P4HA1: variants seen among roughly 807,000 people sequenced by gnomAD.
P4HA1 encodes prolyl 4-hydroxylase subunit alpha-1.
P4HA1 carries 24 observed loss-of-function variants against 72.8 expected under a neutral mutation model. The ratio of observed to expected loss-of-function variants is 0.33; its 90% CI spans 0.24 to 0.46. P4HA1 has a LOEUF of 0.46. Among genes scored for constraint, P4HA1 ranks in the 20% least tolerant of loss-of-function variants. The probability of loss-of-function intolerance (pLI) is 1.00; values close to 1 mark genes in which losing one functional copy is unlikely to be tolerated. For synonymous variants in P4HA1, 201 were observed against 218.8 expected (o/e 0.92, Z 0.72); for missense variants, 446 against 640.6 (o/e 0.70, Z 3.28).
chr10:73,083,584 A>G (rs1841867100), intron 1 of P4HA1, among the ~76,000 whole-genome samples: 1 of 152,142 alleles, frequency 6.6e-6, no homozygotes, highest in African/African-American at 2.4e-5. Context: ...ACACACACTT[A>G]TGTTTTGCTT....
intron 9 of P4HA1, among the ~76,000 whole-genome samples, chr10:73,038,622 CTTTT>C (rs745518781): frequency 4.6e-5 from 5 of 108,840 alleles, no homozygotes; most frequent in Non-Finnish European, 7.3e-5. Context: ...TTTTTATTTG[CTTTT>C]TTTTTTTTTT....
At chr10:73,009,930 C>A in intron 13 of P4HA1, 27 bp from the exon 14 acceptor site, 1 of 1,265,200 alleles carries the variant, frequency 7.9e-7, no homozygotes. Context: ...ACAATTATCC[C>A]CAAGTATACA....
At chr10:73,037,563 A>T (rs1437921307) in intron 9 of P4HA1, among the ~76,000 whole-genome samples, 738 of 32,536 alleles carry the variant, frequency 0.023, 38 homozygotes, top group African/African-American at 0.087. Context: ...ATATATATAT[A>T]TATATATATT....
rs553512800 is a variant in P4HA1 at position 73,076,360 on chromosome 10, G to GTT, written c.-32-1447_-32-1446dup. On this transcript the variant is annotated intron_variant, in intron 1 of 14. Transcript: ENST00000394890. ...AATACAGGTCTGTACCACTGTGCCT[G>GTT]TTTTTTTTTTTTTTTTAAGTTGTAG... Among the ~76,000 whole-genome samples, 827 of 135,976 alleles carry GTT rather than the reference G, an allele frequency of 6.1e-3. 10 individuals are homozygous for GTT. Among genetic ancestry groups the GTT allele is most frequent in the African/African-American group, 0.018 (689 of 37,744 alleles). The allele number at this position is 135,976 out of a possible 152,430, so 89.2% of individuals were successfully genotyped here. A position where few individuals can be genotyped will look rare whatever the true frequency, so the allele number is the denominator to read the frequency against.
chr10:73,065,957 T>C (rs1197926257), intron 5 of P4HA1, among the ~76,000 whole-genome samples: 1 of 152,182 alleles, frequency 6.6e-6, no homozygotes, highest in African/African-American at 2.4e-5. Flanking sequence ...TGTAGAAAGA[T>C]ACATAGAGTA....
At chr10:73,048,964 C>T (rs531969023) in intron 7 of P4HA1, among the ~76,000 whole-genome samples, 146 of 152,194 alleles carry the variant, frequency 9.6e-4, no homozygotes, top group African/African-American at 3.3e-3. Context: ...GAAACCCCAT[C>T]TCTACTAAAA....
intron 6 of P4HA1, among the ~76,000 whole-genome samples, chr10:73,051,518 G>T (rs1841018319): frequency 6.6e-6 from 1 of 152,092 alleles, no homozygotes; most frequent in South Asian, 2.1e-4. Context: ...CCAGCATTTT[G>T]GGAGACTGAG....
In P4HA1 at chr10:73,031,682, A is replaced by AT. The variant is rs1462075628; in HGVS notation, c.1149-1313dup. On this transcript the variant is annotated intron_variant, in intron 9 of 14. Transcript: ENST00000394890. Reference sequence around the variant, plus strand: ...GGAAATGACTCCTAATGGGTACAGGATTTTTTTTGAGTGACAAAAATGTTC... The same window carrying AT: ...GGAAATGACTCCTAATGGGTACAGGATTTTTTTTTGAGTGACAAAAATGTTC... 4.6e-5 allele frequency among the ~76,000 whole-genome samples: 7 copies of AT among 151,972 alleles called. No homozygotes were observed. The South Asian group carries it at 6.2e-4, about 14-fold the overall frequency.
At chr10:73,039,448 A>G (rs1024058348) in intron 9 of P4HA1, among the ~76,000 whole-genome samples, 10 of 152,060 alleles carry the variant, frequency 6.6e-5, no homozygotes, top group African/African-American at 2.2e-4. Flanking sequence ...TTGGGACCAC[A>G]GGCACCCGCC....
rs1387481702 is a variant in P4HA1 at position 73,082,960 on chromosome 10, T to G, written c.-32-8045A>C. ...TATCCCAAAAGACATTATGACTTTA[T>G]CAAAAATTATAAAATATAAATGCCT... On this transcript the variant is annotated intron_variant, in intron 1 of 14. Coordinates refer to ENST00000394890, the MANE Select transcript of P4HA1 (RefSeq NM_001017962.3). Among the ~76,000 whole-genome samples, 3 of 70,954 alleles carry G rather than the reference T, an allele frequency of 4.2e-5. 1 individual carries two copies. Among genetic ancestry groups the G allele is most frequent in the Non-Finnish European group, 6.2e-5 (3 of 48,156 alleles). The allele number at this position is 70,954 out of a possible 152,430, so 46.5% of individuals were successfully genotyped here. A position where few individuals can be genotyped will look rare whatever the true frequency, so the allele number is the denominator to read the frequency against.
intron 12 of P4HA1, 24 bp from the exon 13 acceptor site, chr10:73,011,061 T>A (rs751987204): frequency 1.4e-5 from 22 of 1,574,212 alleles, no homozygotes; most frequent in Non-Finnish European, 1.9e-5. Context: ...GAGGGTGTTA[T>A]CAAAAGTGCT....
intron 10 of P4HA1, among the ~76,000 whole-genome samples, chr10:73,028,509 G>A (rs981333190): frequency 2.6e-5 from 4 of 151,982 alleles, no homozygotes; most frequent in Admixed American, 6.5e-5. Context: ...TCAGCTCACC[G>A]CAACCTCCAC....
At chr10:73,040,338 A>T (rs1048652170) in intron 9 of P4HA1, among the ~76,000 whole-genome samples, 3 of 152,002 alleles carry the variant, frequency 2.0e-5, no homozygotes, top group Non-Finnish European at 4.4e-5. Flanking sequence ...AAGTGTATAG[A>T]TCACTTTCCT....
intron 1 of P4HA1, among the ~76,000 whole-genome samples, chr10:73,095,421 T>G (rs1343123720): frequency 2.0e-5 from 3 of 151,396 alleles, no homozygotes; most frequent in Admixed American, 2.0e-4. Flanking sequence ...GTTCCTGCTA[T>G]GCAGACTGAA....
intron 10 of P4HA1, among the ~76,000 whole-genome samples, chr10:73,018,588 CAA>C (rs1840062945): frequency 6.6e-6 from 1 of 152,072 alleles, no homozygotes; most frequent in South Asian, 2.1e-4. Flanking sequence ...TGAGCTCCAC[CAA>C]TCCAGGTTCT....
intron 10 of P4HA1, among the ~76,000 whole-genome samples, chr10:73,024,351 CACA>C (rs1170725077): frequency 6.6e-6 from 1 of 152,220 alleles, no homozygotes; most frequent in Non-Finnish European, 1.5e-5. Context: ...CTCAAAACCA[CACA>C]ACTACATGGA....
chr10:73,032,087 A>G (rs896416349), intron 9 of P4HA1, among the ~76,000 whole-genome samples: 3 of 152,188 alleles, frequency 2.0e-5, no homozygotes, highest in Non-Finnish European at 2.9e-5. Flanking sequence ...CCAACTTCAA[A>G]TGGGCTCTTC....
chr10:73,093,128 A>G (rs1842072925), intron 1 of P4HA1, among the ~76,000 whole-genome samples: 1 of 151,998 alleles, frequency 6.6e-6, no homozygotes, highest in South Asian at 2.1e-4. Context: ...TCTTAAAAAA[A>G]AAAAAAAAAG....
chr10:73,050,932 T>C, intron 7 of P4HA1, 121 bp downstream of exon 7: 1 of 794,756 alleles, frequency 1.3e-6, no homozygotes, highest in Non-Finnish European at 2.1e-6. Context: ...TAATATTTTA[T>C]GCAGTCATTC....
Sources: gnomAD v4.1 joint callset for allele counts (sites outside exome capture counted in the v4.1 genomes callset) on GRCh38, gnomAD v4.1.1 for gene constraint, MANE v1.5 for transcripts, NCBI Gene and HGNC (gene_info 2026-07-23, HGNC 2026-07-21) for gene names.